Variants in HOMER1 observed in about 807,000 individuals in gnomAD.
HOMER1 encodes the protein homer scaffold protein 1.
In HOMER1, 3 loss-of-function variants were observed where a neutral mutation model predicts 48.9. The observed-to-expected ratio is 0.06, with a 90% CI of 0.03 to 0.16. The LOEUF is 0.16. Ranked by LOEUF, HOMER1 falls within the 10% of genes least tolerant of loss-of-function variation. The pLI is 1.00. For synonymous variants in HOMER1, 134 were observed against 146.4 expected (o/e 0.92, Z 0.61); for missense variants, 247 against 411.4 (o/e 0.60, Z 3.46).
chr5:79,497,059 CAAAAAAAAAA>C (rs5868996), intron 1 of HOMER1, among the ~76,000 whole-genome samples: 4 of 52,782 alleles, frequency 7.6e-5, no homozygotes, highest in Admixed American at 2.4e-4. Context: ...GACTTTGTCT[CAAAAAAAAAA>C]AAAAAAAAAA....
chr5:79,425,144 T>C (rs1750206715), intron 5 of HOMER1, among the ~76,000 whole-genome samples: 1 of 151,906 alleles, frequency 6.6e-6, no homozygotes. Flanking sequence ...TTAGGAAAAA[T>C]TGTAGATCCT....
At chr5:79,483,011 T>A (rs971479639) in intron 1 of HOMER1, among the ~76,000 whole-genome samples, 1 of 151,940 alleles carries the variant, frequency 6.6e-6, no homozygotes, top group Non-Finnish European at 1.5e-5. Context: ...CCAAAATAAA[T>A]TATTTTAAGA....
chr5:79,389,905 CAG>C, intron 8 of HOMER1, among the ~76,000 whole-genome samples: 2 of 151,874 alleles, frequency 1.3e-5, no homozygotes, highest in East Asian at 1.9e-4. Context: ...AACCAAAAAA[CAG>C]GGAGAGAAAG....
chr5:79,485,059 T>C (rs1752059706), intron 1 of HOMER1, among the ~76,000 whole-genome samples: 1 of 150,264 alleles, frequency 6.7e-6, no homozygotes, highest in Admixed American at 6.7e-5. Context: ...ACCAATCTTG[T>C]TAGAACTGTG....
In HOMER1 at chr5:79,411,398, T is replaced by C. The variant is rs150024174; in HGVS notation, c.528-9343A>G. On this transcript the variant is annotated intron_variant, in intron 5 of 8. Transcript: ENST00000334082. The stretch of plus-strand genomic sequence containing the variant: ...TACCTGTGGGACTAAGGCAAGAGGA[T>C]TGCTTGAACCCAAGAGGTCATGGCT... 6.8e-3 allele frequency among the ~76,000 whole-genome samples: 1,028 copies of C among 152,134 alleles called. 6 individuals are homozygous for C. The highest frequency in any genetic ancestry group is 0.022 in the African/African-American group (902 of 41,472).
intron 8 of HOMER1, among the ~76,000 whole-genome samples, chr5:79,379,473 TATAA>T (rs1167575869): frequency 8.9e-6 from 1 of 112,984 alleles, no homozygotes; most frequent in Non-Finnish European, 1.8e-5. Context: ...ATATTTTATA[TATAA>T]ATATATAAAT....
chr5:79,380,378 G>C (rs1180337671), intron 8 of HOMER1, among the ~76,000 whole-genome samples: 1 of 152,208 alleles, frequency 6.6e-6, no homozygotes, highest in Non-Finnish European at 1.5e-5. Context: ...GAGCCCAACA[G>C]TGCTGTAGCT....
chr5:79,443,538 A>C (rs1750796951), intron 4 of HOMER1, among the ~76,000 whole-genome samples: 1 of 152,162 alleles, frequency 6.6e-6, no homozygotes, highest in Non-Finnish European at 1.5e-5. Context: ...AAGGCATCTG[A>C]ATTTTTAAAG....
In HOMER1 at chr5:79,372,984, C is replaced by T. The variant is rs1486920382; in HGVS notation, c.*3025G>A. On this transcript the variant is annotated 3_prime_UTR_variant, in exon 9 of 9. Coordinates refer to ENST00000334082, the MANE Select transcript of HOMER1 (RefSeq NM_004272.5). ...AATCTATGATGGTGCTGGAGATCTT[C>T]TATAGAGACAAGGAGAGATGCAACT... 6.6e-6 allele frequency: 1 copy of T among 151,992 alleles called. No homozygotes were observed. The highest frequency in any genetic ancestry group is 1.9e-4 in the East Asian group (1 of 5,194). 9.4% of individuals were successfully genotyped at this position (151,992 alleles called of 1,614,324 possible). A position where few individuals can be genotyped will look rare whatever the true frequency, so the allele number is the denominator to read the frequency against.
chr5:79,388,473 C>G (rs1391492711), intron 8 of HOMER1, among the ~76,000 whole-genome samples: 3 of 152,088 alleles, frequency 2.0e-5, no homozygotes, highest in Non-Finnish European at 4.4e-5. Flanking sequence ...ATAGAAAATA[C>G]TAAAAACACT....
At chr5:79,387,075 A>ATCTC (rs111457551) in intron 8 of HOMER1, among the ~76,000 whole-genome samples, 316 of 113,720 alleles carry the variant, frequency 2.8e-3, no homozygotes, top group Admixed American at 4.7e-3. Context: ...TTCTTTCTCT[A>ATCTC]TCTCTCTCTC....
chr5:79,498,228 C>T (rs536365020), intron 1 of HOMER1, among the ~76,000 whole-genome samples: 8 of 152,064 alleles, frequency 5.3e-5, no homozygotes, highest in African/African-American at 1.9e-4. Context: ...TGGAGAAACC[C>T]GTCTCTACTA....
rs143479078 is a variant in HOMER1 at position 79,419,438 on chromosome 5, G to A, written c.528-17383C>T. 2.8e-3 allele frequency among the ~76,000 whole-genome samples: 433 copies of A among 152,148 alleles called. 6 individuals are homozygous for A. The highest frequency in any genetic ancestry group is 2.0e-3 in the Non-Finnish European group (134 of 68,008). ...CCACATATTCCCAAGCTTGAGAGGG[G>A]CTTTTATCATATACATTATGGTCAC... is the stretch of plus-strand genomic sequence containing the variant. On this transcript the variant is annotated intron_variant, in intron 5 of 8. Transcript: ENST00000334082.
At chr5:79,471,039 GA>G (rs951100278) in intron 1 of HOMER1, among the ~76,000 whole-genome samples, 8 of 150,860 alleles carry the variant, frequency 5.3e-5, no homozygotes, top group East Asian at 1.9e-4. Flanking sequence ...AATACTCTAG[GA>G]AAAAAAAAGT....
chr5:79,456,325 T>C (rs1348228195), intron 2 of HOMER1, among the ~76,000 whole-genome samples: 1 of 152,124 alleles, frequency 6.6e-6, no homozygotes, highest in Non-Finnish European at 1.5e-5. Context: ...ACTCAGTAGA[T>C]GGTGGAGTTG....
At chr5:79,477,491 G>T (rs1161021289) in intron 1 of HOMER1, among the ~76,000 whole-genome samples, 1 of 152,214 alleles carries the variant, frequency 6.6e-6, no homozygotes, top group Non-Finnish European at 1.5e-5. Context: ...TGGATATGAG[G>T]CCATTGGATA....
chr5:79,424,424 G>A (rs895781688), intron 5 of HOMER1, among the ~76,000 whole-genome samples: 3 of 151,894 alleles, frequency 2.0e-5, no homozygotes, highest in Non-Finnish European at 2.9e-5. Context: ...TTTATACAAG[G>A]ATATGCATCG....
chr5:79,458,165 C>A (rs1034083682), intron 1 of HOMER1, among the ~76,000 whole-genome samples: 1 of 152,154 alleles, frequency 6.6e-6, no homozygotes, highest in South Asian at 2.1e-4. Flanking sequence ...AATATCATTA[C>A]AGAATTCTTT....
intron 5 of HOMER1, among the ~76,000 whole-genome samples, chr5:79,428,889 C>T (rs1283507060): frequency 6.6e-6 from 1 of 152,158 alleles, no homozygotes; most frequent in African/African-American, 2.4e-5. Context: ...CAATACAATA[C>T]AATCCTTATC....
Sources: allele counts gnomAD v4.1 joint callset (sites outside exome capture counted in the v4.1 genomes callset), GRCh38; gene constraint gnomAD v4.1.1; transcripts MANE v1.5; gene names NCBI Gene and HGNC (gene_info 2026-07-23, HGNC 2026-07-21).